FREM1: variants seen among roughly 807,000 people sequenced by gnomAD.
The protein encoded by FREM1 is FRAS1 related extracellular matrix 1, also known as FRAS1-related extracellular matrix protein 1.
FREM1 carries 220 observed loss-of-function variants against 210.1 expected under a neutral mutation model. The ratio of observed to expected loss-of-function variants is 1.05; its 90% CI spans 0.94 to 1.17. The LOEUF (loss-of-function observed/expected upper bound fraction) is 1.17, where lower values mean the gene tolerates loss of function less well. FREM1 is among the 50% of genes most tolerant of loss of function. The pLI, the probability that FREM1 is intolerant of heterozygous loss-of-function variation, is 0.00. For synonymous variants in FREM1, 1,189 were observed against 980.2 expected, an observed-to-expected ratio of 1.21 and a Z score of -3.98; for missense variants, 3,454 against 2,675.5, an observed-to-expected ratio of 1.29 and a Z score of -6.42.
chr9:14,860,865 A>ACATATACG (rs1830023294), intron 3 of FREM1, among the ~76,000 whole-genome samples: 1 of 52,536 alleles, frequency 1.9e-5, no homozygotes, highest in African/African-American at 1.8e-4. Context: ...ATATATACAC[A>ACATATACG]TATATATACG....
intron 24 of FREM1, among the ~76,000 whole-genome samples, chr9:14,777,404 T>A (rs2132664975): frequency 6.6e-6 from 1 of 152,256 alleles, no homozygotes; most frequent in South Asian, 2.1e-4. Flanking sequence ...ATCGTTACTA[T>A]CCAATGGGAC....
rs201852094 is a variant in FREM1, at chr9:14,770,367, G to GA, written c.5059+237dup. On this transcript the variant is annotated intron_variant, in intron 26 of 36. Coordinates refer to ENST00000380880, the MANE Select transcript of FREM1 (RefSeq NM_001379081.2). ...TGAATATATTATAATCAGCTGTTGA[G>GA]AAAAAAAATATAAATAAACAGTTGT... is the stretch of plus-strand genomic sequence containing the variant. 6.0e-3 allele frequency among the ~76,000 whole-genome samples: 911 copies of GA among 151,948 alleles called. 6 individuals are homozygous for GA. Among genetic ancestry groups the GA allele is most frequent in the African/African-American group, 0.021 (862 of 41,464 alleles).
intron 10 of FREM1, 106 bp downstream of exon 10, chr9:14,841,341 A>C (rs1825666573): frequency 2.1e-6 from 2 of 956,086 alleles, no homozygotes; most frequent in South Asian, 5.3e-5. Flanking sequence ...ATTGTTTTTC[A>C]AATTTTAAAC....
intron 27 of FREM1, among the ~76,000 whole-genome samples, chr9:14,769,353 T>C (rs1165217820): frequency 1.3e-5 from 2 of 152,212 alleles, no homozygotes; most frequent in African/African-American, 4.8e-5. Flanking sequence ...AAGGCTATAG[T>C]TGCTAACACG....
rs570797431 is a variant in FREM1, at chr9:14,746,468, C to A, written c.6139G>T (p.Asp2047Tyr). 16 of 1,610,130 alleles carry A rather than the reference C, an allele frequency of 9.9e-6. No homozygotes were observed. The highest frequency in any genetic ancestry group is 1.3e-5 in the Non-Finnish European group (15 of 1,176,474). ...GCTGGACAGGATTTGTCTTCCACAT[C>A]CTGAAAAACAGTTGTCTGTGTTCAT... ...AWKAWSPQTK[D>Y]VEDKSCPAGW... Residue 2047 changes from aspartate (D) to tyrosine (Y), a missense_variant and splice_region_variant, in exon 35 of 37, where the codon GAT (aspartate) becomes TAT (tyrosine). By Grantham distance (160) the Asp-to-Tyr change is radical. Coordinates refer to ENST00000380880, the MANE Select transcript of FREM1 (RefSeq NM_001379081.2).
chr9:14,821,170 C>T (rs1387896480), intron 13 of FREM1, among the ~76,000 whole-genome samples: 1 of 152,100 alleles, frequency 6.6e-6, no homozygotes, highest in African/African-American at 2.4e-5. Context: ...TGCAGGAATT[C>T]TACATAAGGG....
Position 14,746,486 on chromosome 9 carries a change from G to C in FREM1, c.6139-18C>G, listed in dbSNP as rs766597601. The C allele has an allele frequency of 6.3e-7, 1 of 1,580,120 alleles. No individual in the cohort carries two copies. Among genetic ancestry groups the C allele is most frequent in the Non-Finnish European group, 8.7e-7 (1 of 1,149,154 alleles). On this transcript the variant is annotated intron_variant, in intron 34 of 36. Coordinates refer to ENST00000380880, the MANE Select transcript of FREM1 (RefSeq NM_001379081.2). ...TCCACATCCTGAAAAACAGTTGTCT[G>C]TGTTCATATCATAATGGTCTTTACA...
chr9:14,742,005 G>A (rs1321589211), intron 35 of FREM1, among the ~76,000 whole-genome samples: 1 of 152,038 alleles, frequency 6.6e-6, no homozygotes, highest in Non-Finnish European at 1.5e-5. Flanking sequence ...CTTCAAGACA[G>A]GTAAAATGTT....
chr9:14,893,127 C>A (rs1420306966), intron 1 of FREM1, among the ~76,000 whole-genome samples: 3 of 152,014 alleles, frequency 2.0e-5, no homozygotes, highest in Non-Finnish European at 4.4e-5. Context: ...AACCCTGAAG[C>A]CTGGCATGTC....
Position 14,868,879 on chromosome 9 carries a change from C to G in FREM1, c.99G>C (p.Arg33Ser). Residue 33 changes from arginine to serine, a missense_variant, in exon 2 of 37, where the codon AGG becomes AGC. Transcript: ENST00000380880. ...PTFISINRGV[R>S]VMKGHSAFLS... The stretch of plus-strand genomic sequence containing the variant: ...GGAAGGCAGAGTGGCCCTTCATCAC[C>G]CTCACCCCGCGGTTGATGCTGATGA... The G allele has an allele frequency of 6.2e-7, 1 of 1,607,660 alleles. No homozygotes were observed. The highest frequency in any genetic ancestry group is 8.5e-7 in the Non-Finnish European group (1 of 1,177,080).
rs10810249 is a variant in FREM1 at position 14,806,850 on chromosome 9, C to A, written c.3089-4G>T. 353,483 of 1,565,898 alleles carry A rather than the reference C, an allele frequency of 0.23. 42,120 individuals carry two copies. The highest frequency in any genetic ancestry group is 0.31 in the Middle Eastern group (1,832 of 5,918). On this transcript the variant is annotated splice_polypyrimidine_tract_variant and splice_region_variant and intron_variant, in intron 17 of 36. Transcript: ENST00000380880. ...TCATCTACAACAAACACGGGACCTG[C>A]ATACAAATAAAAACACAATTACAAC...
At position 14,784,153 on chromosome 9, in the gene FREM1, C is replaced by T. The variant is rs552260819; in HGVS notation, c.4442+217G>A. ...ACAACAAGACAGTAAAAGAAAAACA[C>T]AGCTGCACCAGAGCTGAAAAATGAC... On this transcript the variant is annotated intron_variant, in intron 24 of 36. Coordinates refer to ENST00000380880, the MANE Select transcript of FREM1 (RefSeq NM_001379081.2). The T allele has an allele frequency of 3.3e-5, 15 of 453,238 alleles. No homozygotes were observed. In the South Asian group the frequency reaches 7.4e-4, roughly 22 times the overall value. The allele number at this position is 453,238 out of a possible 1,614,324, so 28.1% of individuals were successfully genotyped here.
At chr9:14,766,120 TG>T (rs1334866334) in intron 27 of FREM1, among the ~76,000 whole-genome samples, 1 of 152,126 alleles carries the variant, frequency 6.6e-6, no homozygotes, top group African/African-American at 2.4e-5. Flanking sequence ...CACTCTCCAG[TG>T]ACTTCAGGAT....
intron 7 of FREM1, among the ~76,000 whole-genome samples, chr9:14,847,433 G>GAA (rs1826884383): frequency 8.3e-6 from 1 of 119,952 alleles, no homozygotes; most frequent in Admixed American, 8.5e-5. Context: ...AGGAAGGGAG[G>GAA]GAGGGAGGGA....
chr9:14,822,275 A>G (rs1821500834), intron 13 of FREM1, among the ~76,000 whole-genome samples: 1 of 152,166 alleles, frequency 6.6e-6, no homozygotes, highest in Non-Finnish European at 1.5e-5. Flanking sequence ...TAATACACCC[A>G]TCAAAACTTC....
At chr9:14,884,943 G>A (rs894550281) in intron 1 of FREM1, among the ~76,000 whole-genome samples, 4 of 2,114 alleles carry the variant, frequency 1.9e-3, no homozygotes, top group East Asian at 0.048. Context: ...TTTTTTTTTT[G>A]AGACGGAGTC....
At chr9:14,857,777 A>G in intron 4 of FREM1, 28 bp from the exon 5 acceptor site, 1 of 1,508,648 alleles carries the variant, frequency 6.6e-7, no homozygotes. Flanking sequence ...GGATTAAGAG[A>G]GTCACTTAAA....
intron 1 of FREM1, among the ~76,000 whole-genome samples, chr9:14,900,303 A>G (rs1331688155): frequency 6.6e-6 from 1 of 152,224 alleles, no homozygotes; most frequent in East Asian, 1.9e-4. Context: ...GGTGATTCTA[A>G]TGAGCAACCA....
intron 1 of FREM1, among the ~76,000 whole-genome samples, chr9:14,885,522 C>T (rs1835654845): frequency 6.6e-6 from 1 of 152,148 alleles, no homozygotes; most frequent in African/African-American, 2.4e-5. Context: ...TGGGCTCAAG[C>T]AAGCCTCAGC....
Sources: allele counts gnomAD v4.1 joint callset (sites outside exome capture counted in the v4.1 genomes callset), GRCh38; gene constraint gnomAD v4.1.1; transcripts MANE v1.5; gene names NCBI Gene and HGNC (gene_info 2026-07-23, HGNC 2026-07-21).